The following ENKUR variants were observed in gnomAD, a reference collection of about 807,000 sequenced individuals.
The protein encoded by ENKUR is enkurin, TRPC channel interacting protein, also known as enkurin.
A neutral mutation model predicts 27.6 loss-of-function variants in ENKUR; 19 were observed. The observed-to-expected ratio is 0.69, with a 90% CI of 0.48 to 1.01. The LOEUF is 1.01. ENKUR is among the 50% of genes least tolerant of loss of function. ENKUR has a pLI of 0.00. For synonymous variants in ENKUR, 117 were observed against 96.9 expected (o/e 1.21, Z -1.22); for missense variants, 312 against 310.5 (o/e 1.00, Z -0.04).
intron 2 of ENKUR, among the ~76,000 whole-genome samples, chr10:25,022,373 G>A (rs1214499115): frequency 6.6e-6 from 1 of 152,166 alleles, no homozygotes; most frequent in Admixed American, 6.5e-5. Flanking sequence ...TGATTATAGG[G>A]TTAGAAACAA....
intron 2 of ENKUR, among the ~76,000 whole-genome samples, chr10:25,048,864 T>A (rs1037593225): frequency 5.9e-5 from 9 of 151,826 alleles, no homozygotes; most frequent in Non-Finnish European, 8.8e-5. Flanking sequence ...AACTTCATTT[T>A]TTTTTTCTTG....
At chr10:25,035,336 C>T (rs1406866499) in intron 2 of ENKUR, among the ~76,000 whole-genome samples, 1 of 152,166 alleles carries the variant, frequency 6.6e-6, no homozygotes, top group Non-Finnish European at 1.5e-5. Context: ...GAGTGGATCA[C>T]CTGAGGTCAG....
intron 1 of ENKUR, among the ~76,000 whole-genome samples, chr10:25,003,178 A>C (rs1228345791): frequency 8.9e-6 from 1 of 112,724 alleles, no homozygotes; most frequent in Non-Finnish European, 1.8e-5. Flanking sequence ...TAATTAATTA[A>C]TTAATTTATT....
chr10:25,012,071 G>A (rs1850459666), intron 1 of ENKUR, among the ~76,000 whole-genome samples: 1 of 152,226 alleles, frequency 6.6e-6, no homozygotes, highest in South Asian at 2.1e-4. Flanking sequence ...TAGAGCTCAG[G>A]CCATTGCTTC....
chr10:24,984,429 A>G (rs914550022), intron 5 of ENKUR, 53 bp from the exon 6 acceptor site: 4 of 1,555,294 alleles, frequency 2.6e-6, no homozygotes, highest in African/African-American at 2.8e-5. Context: ...TTTATTTTTC[A>G]GGACCTAGAA....
At chr10:25,035,156 G>T (rs1187836402) in intron 2 of ENKUR, among the ~76,000 whole-genome samples, 1 of 152,200 alleles carries the variant, frequency 6.6e-6, no homozygotes, top group Non-Finnish European at 1.5e-5. Context: ...ACAGTGCCAA[G>T]TGAATGGTCT....
At chr10:25,018,659 GTTTTTT>G (rs374289213), upstream of ENKUR, among the ~76,000 whole-genome samples, 15 of 93,714 alleles carry the variant, frequency 1.6e-4, no homozygotes, top group Non-Finnish European at 3.1e-4. Flanking sequence ...AATGAGAGTT[GTTTTTT>G]TTTTTTTTTT....
chr10:25,023,848 C>T (rs777422006), intron 2 of ENKUR: 2 of 1,614,072 alleles, frequency 1.2e-6, no homozygotes, highest in Non-Finnish European at 1.7e-6. Context: ...TGGGGCTTCC[C>T]CAGAGGAGGT....
At chr10:25,013,770 C>T (rs1850504018) in intron 1 of ENKUR, among the ~76,000 whole-genome samples, 1 of 152,000 alleles carries the variant, frequency 6.6e-6, no homozygotes, top group East Asian at 1.9e-4. Flanking sequence ...TGGTGAAACC[C>T]CATCCCTACT....
intron 2 of ENKUR, among the ~76,000 whole-genome samples, chr10:25,050,757 T>C (rs1172347292): frequency 6.6e-6 from 1 of 152,132 alleles, no homozygotes; most frequent in Non-Finnish European, 1.5e-5. Flanking sequence ...GGAGAATTTC[T>C]TAAAAGGAGG....
intron 2 of ENKUR, among the ~76,000 whole-genome samples, chr10:25,046,186 G>A (rs1411243606): frequency 6.6e-6 from 1 of 152,126 alleles, no homozygotes; most frequent in Admixed American, 6.5e-5. Context: ...TCTTCACTGA[G>A]GAGATGGAAT....
chr10:25,060,895 T>C (rs542230680), intron 2 of ENKUR, among the ~76,000 whole-genome samples: 48 of 152,206 alleles, frequency 3.2e-4, no homozygotes, highest in African/African-American at 1.2e-3. Context: ...TTTTTTTTTT[T>C]TAGAGACAAG....
chr10:25,019,094 G>A (rs1258621125), upstream of ENKUR, among the ~76,000 whole-genome samples: 1 of 152,124 alleles, frequency 6.6e-6, no homozygotes, highest in East Asian at 1.9e-4. Flanking sequence ...CCTCCTTTTG[G>A]CTAGTTTGTG....
chr10:25,031,258 C>T (rs1460584158), intron 2 of ENKUR, among the ~76,000 whole-genome samples: 3 of 152,164 alleles, frequency 2.0e-5, no homozygotes, highest in Non-Finnish European at 4.4e-5. Context: ...TTGCTTTAAT[C>T]AATAGAAAGT....
At chr10:25,043,583 A>G (rs1851087967) in intron 2 of ENKUR, among the ~76,000 whole-genome samples, 5 of 152,114 alleles carry the variant, frequency 3.3e-5, no homozygotes, top group Admixed American at 2.0e-4. Context: ...TTTAAAGTGT[A>G]TCCTGATTTG....
chr10:25,015,903 T>C lies in ENKUR; in HGVS notation c.34A>G (p.Asn12Asp). ...DPTCSSECIY[N>D]LIPSDLKEPP... ...TCCTTCAAGTCACTGGGTATGAGGT[T>C]ATAAATGCACTCAGAAGAGCACGTT... The change falls in exon 1 of 6, where the codon AAC becomes GAC. Residue 12 changes from asparagine (N) to aspartate (D), a missense_variant. By Grantham distance (23) the Asn-to-Asp change is conservative (BLOSUM62 1). Transcript: ENST00000331161. The C allele has an allele frequency of 6.2e-7, 1 of 1,608,094 alleles. No individual in the cohort carries two copies. The highest frequency in any genetic ancestry group is 8.5e-7 in the Non-Finnish European group (1 of 1,177,060).
chr10:24,984,323 T>C lies in ENKUR; in HGVS notation c.*47A>G, dbSNP rs1433779820. The C allele has an allele frequency of 6.3e-7, 1 of 1,590,598 alleles. No homozygotes were observed. Among genetic ancestry groups the C allele is most frequent in the Admixed American group, 1.8e-5 (1 of 56,024 alleles). ...AGTAGCAAGAAGGCACGTGTTACTA[T>C]TTCCAGTTCAAAATACTTAACAGTT... On this transcript the variant is annotated 3_prime_UTR_variant, in exon 6 of 6. Transcript: ENST00000331161.
chr10:25,051,658 C>T (rs1564357934), intron 2 of ENKUR, among the ~76,000 whole-genome samples: 1 of 152,248 alleles, frequency 6.6e-6, no homozygotes, highest in Admixed American at 6.5e-5. Flanking sequence ...AATCCACCCC[C>T]ATGACCCAAT....
intron 2 of ENKUR, among the ~76,000 whole-genome samples, chr10:24,996,953 C>T (rs1010595404): frequency 2.6e-5 from 4 of 152,094 alleles, no homozygotes; most frequent in African/African-American, 9.7e-5. Flanking sequence ...TGACTGGTGT[C>T]CTTAGAAGAG....
Sources: gnomAD v4.1 joint callset for allele counts (sites outside exome capture counted in the v4.1 genomes callset) on GRCh38, gnomAD v4.1.1 for gene constraint, MANE v1.5 for transcripts, NCBI Gene and HGNC (gene_info 2026-07-23, HGNC 2026-07-21) for gene names.